MICU2: variants seen among roughly 807,000 people sequenced by gnomAD.
The protein encoded by MICU2 is mitochondrial calcium uptake 2.
A neutral mutation model predicts 60.4 loss-of-function variants in MICU2; 64 were observed. The ratio of observed to expected loss-of-function variants is 1.06; its 90% CI spans 0.87 to 1.31. MICU2 has a LOEUF of 1.31. Among genes scored for constraint, MICU2 ranks in the 50% most tolerant of loss-of-function variants. The pLI is 0.00. For synonymous variants in MICU2, 201 were observed against 175.0 expected, an observed-to-expected ratio of 1.15 and a Z score of -1.17; for missense variants, 569 against 531.0, an observed-to-expected ratio of 1.07 and a Z score of -0.70.
rs1397735374 is a variant in MICU2 at position 21,567,001 on chromosome 13, C to A, written c.211-57G>T. 19 of 1,404,778 alleles carry A rather than the reference C, an allele frequency of 1.4e-5. No homozygotes were observed. The East Asian group carries it at 4.3e-4, about 32-fold the overall frequency. 87.0% of individuals were successfully genotyped at this position (1,404,778 alleles called of 1,614,324 possible). On this transcript the variant is annotated intron_variant, in intron 1 of 11. Transcript: ENST00000382374. Reference sequence around the variant, plus strand: ...TTTTCAGTGTTATTCCCAGTCACTTCTAGGACAATCTTTAAAAAGTAACTT... The same window carrying A: ...TTTTCAGTGTTATTCCCAGTCACTTATAGGACAATCTTTAAAAAGTAACTT...
intron 2 of MICU2, among the ~76,000 whole-genome samples, chr13:21,548,863 T>C (rs957234954): frequency 1.3e-5 from 2 of 151,038 alleles, no homozygotes; most frequent in African/African-American, 4.9e-5. Flanking sequence ...TCGCCGTATC[T>C]CAGACCTTCT....
At chr13:21,573,433 C>A (rs963472174) in intron 1 of MICU2, among the ~76,000 whole-genome samples, 1 of 152,048 alleles carries the variant, frequency 6.6e-6, no homozygotes, top group Non-Finnish European at 1.5e-5. Flanking sequence ...CCACCATGCC[C>A]GGCTAATTTT....
chr13:21,581,242 T>A (rs1888341369), intron 1 of MICU2, among the ~76,000 whole-genome samples: 1 of 152,110 alleles, frequency 6.6e-6, no homozygotes, highest in African/African-American at 2.4e-5. Context: ...CTCAGCCTCT[T>A]GAGTAGCTGG....
intron 1 of MICU2, among the ~76,000 whole-genome samples, chr13:21,602,414 C>T (rs934477617): frequency 1.5e-3 from 225 of 151,970 alleles, no homozygotes; most frequent in Non-Finnish European, 2.5e-3. Flanking sequence ...CCCAGCTACT[C>T]GGGAGGCTGA....
chr13:21,572,077 C>A (rs1888123659), intron 1 of MICU2, among the ~76,000 whole-genome samples: 1 of 152,170 alleles, frequency 6.6e-6, no homozygotes, highest in Non-Finnish European at 1.5e-5. Flanking sequence ...TTTCAAAACC[C>A]TGCCATATTA....
chr13:21,546,567 GTTCTAGGACCAGATGGCAGGTCC>G (rs1221432216), intron 2 of MICU2, among the ~76,000 whole-genome samples: 12 of 152,172 alleles, frequency 7.9e-5, no homozygotes, highest in African/African-American at 2.7e-4. Context: ...GTGTTGCAAT[GTTCTAGGACCAGATGGCAGGTCC>G]TGCCAGTCTC....
At chr13:21,595,312 T>C (rs1421768182) in intron 1 of MICU2, among the ~76,000 whole-genome samples, 1 of 152,226 alleles carries the variant, frequency 6.6e-6, no homozygotes, top group Admixed American at 6.5e-5. Context: ...GGAGTGACAC[T>C]GCAAGACAGC....
intron 1 of MICU2, among the ~76,000 whole-genome samples, chr13:21,585,922 A>C (rs1888446792): frequency 6.6e-6 from 1 of 152,188 alleles, no homozygotes; most frequent in Non-Finnish European, 1.5e-5. Flanking sequence ...TCTATTTTAG[A>C]ATTTTGACAA....
intron 9 of MICU2, among the ~76,000 whole-genome samples, chr13:21,502,218 C>T (rs1483359344): frequency 6.6e-6 from 1 of 150,602 alleles, no homozygotes; most frequent in Admixed American, 6.6e-5. Flanking sequence ...GGTTCTTCTA[C>T]TGCAATTTAT....
intron 2 of MICU2, among the ~76,000 whole-genome samples, chr13:21,563,454 CAA>C (rs199787662): frequency 3.6e-5 from 5 of 138,522 alleles, no homozygotes; most frequent in African/African-American, 5.3e-5. Context: ...GACTTTGTCT[CAA>C]AAAAAAAAAA....
At chr13:21,603,640 C>G (rs569754147) in intron 1 of MICU2, 9 of 484,220 alleles carry the variant, frequency 1.9e-5, no homozygotes, top group African/African-American at 1.6e-4. Context: ...AAGACACGCC[C>G]ACACTCATCA....
At chr13:21,568,478 G>A (rs532874242) in intron 1 of MICU2, among the ~76,000 whole-genome samples, 1 of 152,016 alleles carries the variant, frequency 6.6e-6, no homozygotes, top group East Asian at 1.9e-4. Flanking sequence ...TTTTAATTAC[G>A]TAAGTCCACA....
At position 21,493,132 on chromosome 13, in the gene MICU2, T is replaced by C. The variant is rs900371935; in HGVS notation, c.*117A>G. On this transcript the variant is annotated 3_prime_UTR_variant, in exon 12 of 12. Coordinates refer to ENST00000382374, the MANE Select transcript of MICU2 (RefSeq NM_152726.3). ...TGAATCAGAAAGCAAGTACAAGACA[T>C]GCTTATTTCACACAGAATATCAATG... is the stretch of plus-strand genomic sequence containing the variant. 1.8e-6 allele frequency: 1 copy of C among 548,848 alleles called. No homozygotes were observed. Among genetic ancestry groups the C allele is most frequent in the African/African-American group, 2.0e-5 (1 of 51,070 alleles). 34.0% of individuals were successfully genotyped at this position (548,848 alleles called of 1,614,324 possible).
chr13:21,501,168 A>G (rs1886141075), intron 9 of MICU2, among the ~76,000 whole-genome samples: 1 of 152,030 alleles, frequency 6.6e-6, no homozygotes, highest in African/African-American at 2.4e-5. Context: ...GCTTAAGTCT[A>G]TTTCTGGAGT....
chr13:21,530,722 T>C (rs1343206718), intron 4 of MICU2: 9 of 464,470 alleles, frequency 1.9e-5, no homozygotes, highest in African/African-American at 1.0e-4. Context: ...CTGCACAAGG[T>C]GGCGAGCCCA....
intron 7 of MICU2, among the ~76,000 whole-genome samples, chr13:21,512,517 G>A (rs1187434168): frequency 6.9e-6 from 1 of 144,158 alleles, no homozygotes; most frequent in African/African-American, 2.6e-5. Context: ...GCTCGATCTC[G>A]GCTCCCTGCG....
intron 4 of MICU2, among the ~76,000 whole-genome samples, chr13:21,537,459 T>C (rs1482167922): frequency 9.9e-6 from 1 of 101,204 alleles, no homozygotes; most frequent in Non-Finnish European, 1.9e-5. Flanking sequence ...ATCCAACATT[T>C]TCTTTCTTTC....
At chr13:21,569,124 T>C (rs1009195325) in intron 1 of MICU2, among the ~76,000 whole-genome samples, 1 of 152,178 alleles carries the variant, frequency 6.6e-6, no homozygotes, top group East Asian at 1.9e-4. Context: ...AGCTTGAGGC[T>C]GTCATTGAAT....
chr13:21,562,783 A>AT (rs1310554428), intron 2 of MICU2, among the ~76,000 whole-genome samples: 2 of 152,196 alleles, frequency 1.3e-5, no homozygotes, highest in African/African-American at 4.8e-5. Flanking sequence ...GTTATCTGTT[A>AT]TATCAATTTT....
Sources: allele counts gnomAD v4.1 joint callset (sites outside exome capture counted in the v4.1 genomes callset), GRCh38; gene constraint gnomAD v4.1.1; transcripts MANE v1.5; gene names NCBI Gene and HGNC (gene_info 2026-07-23, HGNC 2026-07-21).